Variants in CUL2 observed in about 807,000 individuals in gnomAD.
CUL2 encodes the protein cullin-2.
In CUL2, 22 loss-of-function variants were observed where a neutral mutation model predicts 110.2. That is an observed-to-expected ratio of 0.20 (90% CI 0.14 to 0.28). The LOEUF is 0.28. Ranked by LOEUF, CUL2 falls within the 10% of genes least tolerant of loss-of-function variation. The probability of loss-of-function intolerance (pLI) is 1.00; values close to 1 mark genes in which losing one functional copy is unlikely to be tolerated. For synonymous variants in CUL2, 279 were observed against 293.2 expected, an observed-to-expected ratio of 0.95 and a Z score of 0.49; for missense variants, 631 against 905.5, an observed-to-expected ratio of 0.70 and a Z score of 3.89.
Position 35,049,694 on chromosome 10 carries a change from T to C in CUL2, c.495A>G (p.Arg165=), listed in dbSNP as rs759449302. 3 of 1,612,978 alleles carry C rather than the reference T, an allele frequency of 1.9e-6. No individual in the cohort carries two copies. The highest frequency in any genetic ancestry group is 2.5e-6 in the Non-Finnish European group (3 of 1,179,272). ...ATGTCAGCACTCACTTTTTGATTTC[T>C]CGGAGCAGCATTCGGATAAGGATGG... ...LQAILIRMLL[R]EIKNDRGGED... is the part of the protein sequence containing the mutation. The change falls in exon 6 of 21, where the codon CGA becomes CGG. Residue 165 remains arginine (R), a synonymous_variant. Transcript: ENST00000374749.
At position 35,025,298 on chromosome 10, in the gene CUL2, G is replaced by A. The variant is rs568665528; in HGVS notation, c.1618-100C>T. The A allele has an allele frequency of 6.4e-5, 89 of 1,385,190 alleles. No individual in the cohort carries two copies. The African/African-American group carries it at 1.3e-3, about 20-fold the overall frequency. 85.8% of individuals were successfully genotyped at this position (1,385,190 alleles called of 1,614,324 possible). A position where few individuals can be genotyped will look rare whatever the true frequency, so the allele number is the denominator to read the frequency against. On this transcript the variant is annotated intron_variant, in intron 16 of 20. Transcript: ENST00000374749. ...AAAGCAATGAAAACCATTCATATTA[G>A]AAGAGACATTAAAGCCCATCTGGTT...
At chr10:35,065,181 C>T (rs1414451105) in intron 2 of CUL2, among the ~76,000 whole-genome samples, 3 of 152,124 alleles carry the variant, frequency 2.0e-5, no homozygotes, top group Non-Finnish European at 2.9e-5. Context: ...AGAACACCTA[C>T]GAAAATGAGA....
chr10:35,028,757 A>C (rs2085394777), intron 16 of CUL2, 53 bp downstream of exon 16: 1 of 1,178,128 alleles, frequency 8.5e-7, no homozygotes, highest in Non-Finnish European at 1.2e-6. Context: ...ATATAATATG[A>C]AGACAATTAT....
intron 17 of CUL2, among the ~76,000 whole-genome samples, chr10:35,020,926 G>C (rs2085163575): frequency 6.7e-6 from 1 of 149,440 alleles, no homozygotes; most frequent in African/African-American, 2.5e-5. Context: ...CCTTTACGTA[G>C]CTTGGTTAAG....
intron 14 of CUL2, 84 bp from the exon 15 acceptor site, chr10:35,029,724 A>G: frequency 9.6e-7 from 1 of 1,037,724 alleles, no homozygotes; most frequent in Non-Finnish European, 1.4e-6. Context: ...CGGTATTGCT[A>G]GGTCTTTGAT....
Position 35,035,207 on chromosome 10 carries a change from C to T in CUL2, c.967G>A (p.Gly323Ser). Residue 323 changes from glycine to serine, a missense_variant, in exon 10 of 21, where the codon GGC (glycine) becomes AGC (serine). This residue lies in a region of CUL2 where 338 missense variants were observed against 442.5 expected (regional missense o/e 0.76). Transcript: ENST00000374749. The stretch of plus-strand genomic sequence containing the variant: ...GTAAGGTTGCTGGTTGCTCGAAGGC[C>T]CTCATCATGGATGTGGTTTTGCAGC... ...QELQNHIHDE[G>S]LRATSNLTQE... 1 of 1,614,162 alleles carries T rather than the reference C, an allele frequency of 6.2e-7. No homozygotes were observed. The highest frequency in any genetic ancestry group is 1.3e-5 in the African/African-American group (1 of 75,042).
At chr10:35,029,324 T>C (rs34575945) in intron 15 of CUL2, among the ~76,000 whole-genome samples, 164 bp downstream of exon 15, 27,790 of 152,172 alleles carry the variant, frequency 0.18, 2,620 homozygotes, top group African/African-American at 0.22. Flanking sequence ...CTGAAAGTGC[T>C]GGGATTACAG....
intron 1 of CUL2, among the ~76,000 whole-genome samples, chr10:35,106,302 T>C (rs1200261267): frequency 4.0e-5 from 6 of 148,178 alleles, no homozygotes; most frequent in Non-Finnish European, 7.4e-5. Flanking sequence ...AATGTGTTTT[T>C]TGTTTTTTTT....
chr10:35,062,905 C>T, intron 3 of CUL2, 55 bp downstream of exon 3: 1 of 1,010,810 alleles, frequency 9.9e-7, no homozygotes, highest in South Asian at 1.4e-5. Flanking sequence ...AAACAGTAAA[C>T]TAGTAAAGTA....
chr10:35,080,172 G>A (rs1365390556), intron 1 of CUL2, among the ~76,000 whole-genome samples: 1 of 152,142 alleles, frequency 6.6e-6, no homozygotes, highest in African/African-American at 2.4e-5. Context: ...ATTTCCATAG[G>A]TGGGCCCAAA....
At chr10:35,078,407 T>G (rs1368055489) in intron 1 of CUL2, among the ~76,000 whole-genome samples, 1 of 151,880 alleles carries the variant, frequency 6.6e-6, no homozygotes, top group Non-Finnish European at 1.5e-5. Context: ...GCAATTCTCC[T>G]GCCTCAGCCT....
intron 1 of CUL2, among the ~76,000 whole-genome samples, chr10:35,084,924 C>A (rs1476009204): frequency 6.6e-6 from 1 of 151,948 alleles, no homozygotes; most frequent in African/African-American, 2.4e-5. Flanking sequence ...TCAAGACCAG[C>A]CTGGCCAACA....
At chr10:35,049,787 A>T (rs755721861) in intron 5 of CUL2, 22 bp from the exon 6 acceptor site, 3 of 1,541,164 alleles carry the variant, frequency 1.9e-6, no homozygotes, top group Non-Finnish European at 2.7e-6. Flanking sequence ...AACGAAAATC[A>T]TCAGGGCTGA....
intron 2 of CUL2, chr10:35,064,086 A>C (rs781497542): frequency 6.6e-6 from 1 of 152,206 alleles, no homozygotes; most frequent in Non-Finnish European, 1.5e-5. Context: ...GATGACCACC[A>C]CCAAGTGTCT....
chr10:35,056,561 T>G (rs1212061400), intron 4 of CUL2, among the ~76,000 whole-genome samples: 1 of 152,050 alleles, frequency 6.6e-6, no homozygotes, highest in Non-Finnish European at 1.5e-5. Context: ...TCCACTCCCA[T>G]TCAACATCGG....
intron 2 of CUL2, among the ~76,000 whole-genome samples, chr10:35,066,302 GCTGA>G (rs1473872814): frequency 1.3e-5 from 2 of 151,772 alleles, no homozygotes; most frequent in African/African-American, 4.8e-5. Flanking sequence ...AAAAGAATTT[GCTGA>G]CTTTTTTTTT....
At chr10:35,055,540 C>T (rs2086220865) in intron 4 of CUL2, among the ~76,000 whole-genome samples, 1 of 152,166 alleles carries the variant, frequency 6.6e-6, no homozygotes, top group African/African-American at 2.4e-5. Flanking sequence ...TGAGAGCAGC[C>T]TGGGTAACAG....
intron 2 of CUL2, among the ~76,000 whole-genome samples, chr10:35,069,555 T>TA (rs75346430): frequency 2.6e-3 from 346 of 133,178 alleles, no homozygotes; most frequent in African/African-American, 6.4e-3. Flanking sequence ...AAGTAAAAAT[T>TA]AAAAAAAAAA....
chr10:35,049,545 G>T, intron 6 of CUL2, 138 bp downstream of exon 6: 1 of 538,804 alleles, frequency 1.9e-6, no homozygotes, highest in Non-Finnish European at 3.2e-6. Flanking sequence ...AAAAATGCTG[G>T]CATTGGAAGT....
Sources: gnomAD v4.1 joint callset for allele counts (sites outside exome capture counted in the v4.1 genomes callset) on GRCh38, gnomAD v4.1.1 for gene constraint, gnomAD v4.1.1 regional missense constraint, MANE v1.5 for transcripts, NCBI Gene and HGNC (gene_info 2026-07-23, HGNC 2026-07-21) for gene names.